Variants in HTR2B observed in about 807,000 individuals in gnomAD.
HTR2B encodes 5-hydroxytryptamine receptor 2B, also known as 5-HT 2B receptor.
In HTR2B, 31 loss-of-function variants were observed where a neutral mutation model predicts 39.8. The ratio of observed to expected loss-of-function variants is 0.78; its 90% confidence interval spans 0.58 to 1.05. HTR2B has a LOEUF of 1.05. Ranked by LOEUF, HTR2B falls within the 50% of genes least tolerant of loss-of-function variation. The pLI is 0.00. For synonymous variants in HTR2B, 210 were observed against 207.1 expected (o/e 1.01, Z -0.12); for missense variants, 562 against 578.0 (o/e 0.97, Z 0.28).
At chr2:231,112,571 A>T (rs969376475) in intron 3 of HTR2B, among the ~76,000 whole-genome samples, 3 of 152,174 alleles carry the variant, frequency 2.0e-5, no homozygotes, top group Admixed American at 6.5e-5. Context: ...CAGATTAGGG[A>T]GGAGTAATTT....
intron 2 of HTR2B, among the ~76,000 whole-genome samples, chr2:231,119,439 C>A (rs188881123): frequency 2.4e-4 from 37 of 152,266 alleles, no homozygotes; most frequent in African/African-American, 7.9e-4. Flanking sequence ...AAGTGACTTG[C>A]CTGATCCAAC....
At position 231,108,723 on chromosome 2, in the gene HTR2B, TA is replaced by T; in HGVS notation, c.1239del (p.Ser413ArgfsTer34). ...GCCATTGGATTCCGGAAGTAGATCT[TA>T]CTGGAGCGTTTTCTGAGAGTTTTTA... ...KSVKTLRKRSSKIYFRNPMAE... is the reference protein window; with the variant it reads ...KSVKTLRKRSXKIYFRNPMAE... On this transcript the variant is annotated frameshift_variant, in exon 4 of 4. Coordinates refer to ENST00000258400, the MANE Select transcript of HTR2B (RefSeq NM_000867.5). LOFTEE classifies it high-confidence loss of function. 6.2e-7 allele frequency: 1 copy of T among 1,614,132 alleles called. No individual in the cohort carries two copies. The highest frequency in any genetic ancestry group is 8.5e-7 in the Non-Finnish European group (1 of 1,179,994).
chr2:231,123,310 T>C, intron 2 of HTR2B, 103 bp downstream of exon 2: 1 of 871,950 alleles, frequency 1.1e-6, no homozygotes, highest in African/African-American at 1.7e-5. Context: ...TAGTCCAAGT[T>C]CATCTTTTAT....
chr2:231,113,878 T>G lies in HTR2B; in HGVS notation c.404A>C (p.Asp135Ala). Residue 135 changes from aspartate to alanine, a missense_variant, in exon 3 of 4, where the codon GAC becomes GCC. Physicochemically the swap from Asp to Ala is moderately radical, Grantham distance 126. Coordinates refer to ENST00000258400, the MANE Select transcript of HTR2B (RefSeq NM_000867.5). ...GATGGATGCGGTTGAAAAGAGAACG[T>G]CAAGAAATAACCAGGCAGGACATAG... ...LVLCPAWLFL[D>A]VLFSTASIMH... 6.2e-7 allele frequency: 1 copy of G among 1,613,976 alleles called. No individual in the cohort carries two copies. Among genetic ancestry groups the G allele is most frequent in the Non-Finnish European group, 8.5e-7 (1 of 1,179,982 alleles).
Position 231,108,629 on chromosome 2 carries a change from G to GGACTCTGGTT in HTR2B, c.1333_1334insAACCAGAGTC (p.Pro445GlnfsTer27), listed in dbSNP as rs1178913386. On this transcript the variant is annotated frameshift_variant, in exon 4 of 4. Transcript: ENST00000258400. LOFTEE classifies it high-confidence loss of function. ...AATGGTTGAACTTCGGAGCCTCATT[G>GGACTCTGGTT]GACTCTGGTACATGGCAGGGTTAAT... The GGACTCTGGTT allele has an allele frequency of 1.2e-6, 2 of 1,613,916 alleles. No individual in the cohort carries two copies. Among genetic ancestry groups the GGACTCTGGTT allele is most frequent in the Admixed American group, 3.3e-5 (2 of 60,004 alleles).
At chr2:231,111,201 A>G (rs1342934501) in intron 3 of HTR2B, among the ~76,000 whole-genome samples, 1 of 152,072 alleles carries the variant, frequency 6.6e-6, no homozygotes, top group African/African-American at 2.4e-5. Context: ...GACTCTAATT[A>G]TTATTATTTG....
intron 2 of HTR2B, among the ~76,000 whole-genome samples, chr2:231,119,974 A>T (rs1257224156): frequency 1.4e-5 from 2 of 144,758 alleles, no homozygotes; most frequent in African/African-American, 2.6e-5. Flanking sequence ...TTTCCCTGAG[A>T]CAGAGCCTCA....
At chr2:231,118,239 T>C (rs972023792) in intron 2 of HTR2B, among the ~76,000 whole-genome samples, 1 of 152,102 alleles carries the variant, frequency 6.6e-6, no homozygotes, top group Non-Finnish European at 1.5e-5. Flanking sequence ...TAAATGTTAG[T>C]GCTTATTACT....
chr2:231,121,581 TA>T (rs1358429660), intron 2 of HTR2B, among the ~76,000 whole-genome samples: 8 of 152,198 alleles, frequency 5.3e-5, no homozygotes, highest in Non-Finnish European at 1.2e-4. Flanking sequence ...GCTGGATACC[TA>T]TTTTTCTATA....
At chr2:231,119,828 C>T (rs1363176294) in intron 2 of HTR2B, among the ~76,000 whole-genome samples, 5 of 141,450 alleles carry the variant, frequency 3.5e-5, no homozygotes. Context: ...TGAGATCATG[C>T]CACTGCCCTG....
Position 231,123,503 on chromosome 2 carries a change from C to T in HTR2B, c.262G>A (p.Ala88Thr). 3 of 1,614,040 alleles carry T rather than the reference C, an allele frequency of 1.9e-6. No homozygotes were observed. The highest frequency in any genetic ancestry group is 2.5e-6 in the Non-Finnish European group (3 of 1,179,900). The change falls in exon 2 of 4, where the codon GCT becomes ACT. Residue 88 changes from alanine to threonine, a missense_variant. By Grantham distance (58) the Ala-to-Thr change is moderately conservative (BLOSUM62 0). Transcript: ENST00000258400. The stretch of plus-strand genomic sequence containing the variant: ...AAGGACATTAGAAAGTAATTAGTAG[C>T]ATACTGCAGCTTCTTCTCCAGTGAA... ...AVSLEKKLQY[A>T]TNYFLMSLAV...
chr2:231,108,708 T>G lies in HTR2B; in HGVS notation c.1255A>C (p.Asn419His). 6.2e-7 allele frequency: 1 copy of G among 1,614,170 alleles called. No homozygotes were observed. Among genetic ancestry groups the G allele is most frequent in the Non-Finnish European group, 8.5e-7 (1 of 1,180,018 alleles). ...AACTTAGAGTTCTCTGCCATTGGAT[T>G]CCGGAAGTAGATCTTACTGGAGCGT... ...RKRSSKIYFR[N>H]PMAENSKFFK... is the part of the protein sequence containing the mutation. Residue 419 changes from asparagine to histidine, a missense_variant, in exon 4 of 4, where the codon AAT becomes CAT. By Grantham distance (68) the Asn-to-His change is moderately conservative. Coordinates refer to ENST00000258400, the MANE Select transcript of HTR2B (RefSeq NM_000867.5).
intron 2 of HTR2B, among the ~76,000 whole-genome samples, chr2:231,120,770 G>T (rs1307323407): frequency 6.6e-6 from 1 of 152,128 alleles, no homozygotes; most frequent in African/African-American, 2.4e-5. Flanking sequence ...TAAAATTATT[G>T]CTCATAGTGA....
At chr2:231,112,839 T>G (rs1401704057) in intron 3 of HTR2B, among the ~76,000 whole-genome samples, 1 of 152,174 alleles carries the variant, frequency 6.6e-6, no homozygotes, top group African/African-American at 2.4e-5. Flanking sequence ...CGGTATGTTT[T>G]CTTTGCATCT....
In HTR2B at chr2:231,123,474, C is replaced by T. The variant is rs750428024; in HGVS notation, c.291G>A (p.Ala97=). 31 of 1,613,936 alleles carry T rather than the reference C, an allele frequency of 1.9e-5. No individual in the cohort carries two copies. The highest frequency in any genetic ancestry group is 2.7e-5 in the African/African-American group (2 of 74,922). Residue 97 remains alanine (A), a synonymous_variant, in exon 2 of 4, where the codon GCG becomes GCA. Transcript: ENST00000258400. ...ACAATCCAACCAGCAAATCAGCCAC[C>T]GCCAAGGACATTAGAAAGTAATTAG... The part of the protein sequence containing the change: ...YATNYFLMSL[A]VADLLVGLFV...
chr2:231,116,847 T>C (rs529107495), intron 2 of HTR2B, among the ~76,000 whole-genome samples: 1 of 152,220 alleles, frequency 6.6e-6, no homozygotes, highest in Non-Finnish European at 1.5e-5. Context: ...GATGAATCTT[T>C]ACAATTCCAA....
Position 231,123,558 on chromosome 2 carries a change from A to C in HTR2B, c.207T>G (p.Ile69Met), listed in dbSNP as rs1312847374. The change falls in exon 2 of 4, where the codon ATT (isoleucine) becomes ATG (methionine). Residue 69 changes from isoleucine to methionine, a missense_variant. Ile to Met is a conservative substitution (Grantham distance 10). Transcript: ENST00000258400. The stretch of plus-strand genomic sequence containing the variant: ...CCAGAATAACAAGGGTATTTCCACC[A>C]ATTGTGGGTATTATCACCATGAGTA... The part of the protein sequence containing the change: ...LLILMVIIPT[I>M]GGNTLVILAV... The C allele has an allele frequency of 2.5e-6, 4 of 1,614,006 alleles. No homozygotes were observed. The highest frequency in any genetic ancestry group is 3.4e-6 in the Non-Finnish European group (4 of 1,179,948).
chr2:231,114,481 A>G (rs1409867454), intron 2 of HTR2B, among the ~76,000 whole-genome samples: 1 of 152,182 alleles, frequency 6.6e-6, no homozygotes, highest in Non-Finnish European at 1.5e-5. Context: ...TTTTTTTGAC[A>G]GAAATAGTTC....
At position 231,109,008 on chromosome 2, in the gene HTR2B, C is replaced by T. The variant is rs377419999; in HGVS notation, c.955G>A (p.Glu319Lys). ...CCTAGGACCTTTGAGGCTCTCTGTT[C>T]GTTGGAAATGGTCTGCACTGACTTT... The part of the protein sequence containing the change: ...GKKSVQTISN[E>K]QRASKVLGIV... The change falls in exon 4 of 4, where the codon GAA becomes AAA. Residue 319 changes from glutamate (E) to lysine (K), a missense_variant. By Grantham distance (56) the Glu-to-Lys change is moderately conservative. Transcript: ENST00000258400. 23 of 1,614,060 alleles carry T rather than the reference C, an allele frequency of 1.4e-5. No homozygotes were observed. Among genetic ancestry groups the T allele is most frequent in the African/African-American group, 1.2e-4 (9 of 74,926 alleles).
Sources: allele counts gnomAD v4.1 joint callset (sites outside exome capture counted in the v4.1 genomes callset), GRCh38; gene constraint gnomAD v4.1.1; transcripts MANE v1.5; gene names NCBI Gene and HGNC (gene_info 2026-07-23, HGNC 2026-07-21).